Variants in STPG2 observed in about 807,000 individuals in gnomAD.
The protein encoded by STPG2 is sperm tail PG-rich repeat containing 2.
Under a neutral mutation model 54.2 loss-of-function variants are expected in STPG2, and 56 were observed. The ratio of observed to expected loss-of-function variants is 1.03; its 90% CI spans 0.83 to 1.29. STPG2 has a LOEUF of 1.29. Ranked by LOEUF, STPG2 falls within the 50% of genes most tolerant of loss-of-function variation. STPG2 has a pLI of 0.00. For missense variants in STPG2, 596 were observed against 544.9 expected, an observed-to-expected ratio of 1.09 and a Z score of -0.93; for synonymous variants, 200 against 181.8, an observed-to-expected ratio of 1.10 and a Z score of -0.81.
intron 4 of STPG2, among the ~76,000 whole-genome samples, chr4:97,519,844 G>T (rs1731146070): frequency 6.6e-6 from 1 of 152,018 alleles, no homozygotes; most frequent in Non-Finnish European, 1.5e-5. Context: ...GAAGAAAAAG[G>T]AGAAAGGACA....
At chr4:97,744,487 T>C (rs1290123799) in intron 9 of STPG2, among the ~76,000 whole-genome samples, 1 of 151,262 alleles carries the variant, frequency 6.6e-6, no homozygotes, top group Non-Finnish European at 1.5e-5. Flanking sequence ...AATTTTTTAT[T>C]TTTAATAATA....
intron 6 of STPG2, among the ~76,000 whole-genome samples, chr4:97,979,364 T>C (rs1268617788): frequency 6.6e-6 from 1 of 152,168 alleles, no homozygotes; most frequent in African/African-American, 2.4e-5. Flanking sequence ...AATGCTAACA[T>C]GTGCCCAGCT....
chr4:97,956,309 A>G (rs963046843), intron 7 of STPG2, among the ~76,000 whole-genome samples: 1 of 152,124 alleles, frequency 6.6e-6, no homozygotes, highest in Non-Finnish European at 1.5e-5. Flanking sequence ...AATATTGATG[A>G]AATGAAATAA....
At chr4:97,898,987 A>T (rs141869901) in intron 8 of STPG2, among the ~76,000 whole-genome samples, 2 of 151,680 alleles carry the variant, frequency 1.3e-5, no homozygotes, top group Non-Finnish European at 3.0e-5. Flanking sequence ...CAGGCAAGAG[A>T]AAAAAATAAA....
At chr4:97,763,877 C>T (rs1294246848) in intron 9 of STPG2, among the ~76,000 whole-genome samples, 1 of 152,004 alleles carries the variant, frequency 6.6e-6, no homozygotes, top group Non-Finnish European at 1.5e-5. Context: ...ATAATATCAG[C>T]CACATTTTTA....
chr4:97,650,708 G>A (rs1722041714), intron 10 of STPG2, among the ~76,000 whole-genome samples: 1 of 152,064 alleles, frequency 6.6e-6, no homozygotes, highest in Non-Finnish European at 1.5e-5. Flanking sequence ...TAAACTCTCA[G>A]TTAATCTCTT....
At chr4:97,789,656 C>A (rs1269609505) in intron 9 of STPG2, among the ~76,000 whole-genome samples, 1 of 152,068 alleles carries the variant, frequency 6.6e-6, no homozygotes, top group African/African-American at 2.4e-5. Flanking sequence ...TATATAAAAA[C>A]TAAAATTAAG....
At chr4:97,679,343 T>C (rs923392059) in intron 10 of STPG2, among the ~76,000 whole-genome samples, 46 of 152,130 alleles carry the variant, frequency 3.0e-4, no homozygotes, top group African/African-American at 8.9e-4. Context: ...TGGTATCTCA[T>C]TGTGGTTTTG....
At chr4:97,990,875 A>C (rs1270769737) in intron 5 of STPG2, among the ~76,000 whole-genome samples, 1 of 152,192 alleles carries the variant, frequency 6.6e-6, no homozygotes, top group Non-Finnish European at 1.5e-5. Flanking sequence ...ATACAGTTTA[A>C]ACTTTATTCC....
In STPG2 at chr4:98,126,055, A is replaced by G. The variant is rs181471502; in HGVS notation, c.387+2373T>C. Among the ~76,000 whole-genome samples the G allele has an allele frequency of 4.2e-3, 644 of 151,864 alleles. 3 individuals carry two copies. The highest frequency in any genetic ancestry group is 0.025 in the South Asian group (121 of 4,810). ...AACTGTAGCTGCAGAGATGGCAGCC[A>G]CCCCTCCCCTGGGGAACTCAGTCAT... On this transcript the variant is annotated intron_variant, in intron 3 of 10. Transcript: ENST00000295268.
chr4:98,106,424 G>A (rs916727217), intron 4 of STPG2, among the ~76,000 whole-genome samples: 1 of 151,866 alleles, frequency 6.6e-6, no homozygotes, highest in Non-Finnish European at 1.5e-5. Context: ...CAAAATAAGA[G>A]GAAAATAGCC....
chr4:97,545,303 G>A (rs914532573), intron 4 of STPG2, among the ~76,000 whole-genome samples: 1 of 152,106 alleles, frequency 6.6e-6, no homozygotes, highest in African/African-American at 2.4e-5. Context: ...AACTAGAGAA[G>A]CATTGGCTCA....
intron 7 of STPG2, among the ~76,000 whole-genome samples, chr4:97,967,396 C>T (rs1368293121): frequency 6.6e-6 from 1 of 151,922 alleles, no homozygotes; most frequent in African/African-American, 2.4e-5. Context: ...TAGACTCCTA[C>T]ACAATAATAA....
chr4:97,638,340 A>C (rs1578444982), intron 10 of STPG2, among the ~76,000 whole-genome samples: 7 of 152,242 alleles, frequency 4.6e-5, no homozygotes, highest in East Asian at 1.9e-4. Context: ...TACAAAAATC[A>C]ATTCAAGATG....
intron 4 of STPG2, among the ~76,000 whole-genome samples, chr4:97,454,067 C>T (rs1464931887): frequency 6.6e-6 from 1 of 151,902 alleles, no homozygotes; most frequent in African/African-American, 2.4e-5. Flanking sequence ...ATTTATAAAA[C>T]TGAGATAGTA....
chr4:97,913,777 C>T (rs1217967095), intron 8 of STPG2, among the ~76,000 whole-genome samples: 5 of 152,064 alleles, frequency 3.3e-5, no homozygotes, highest in African/African-American at 7.2e-5. Context: ...CATACATAAA[C>T]CCCAAAATGT....
chr4:97,614,196 T>C (rs891611607), intron 10 of STPG2, among the ~76,000 whole-genome samples: 1 of 152,086 alleles, frequency 6.6e-6, no homozygotes, highest in East Asian at 1.9e-4. Flanking sequence ...ATACCAGCCA[T>C]TTAGGCCATC....
chr4:97,987,418 T>C (rs1042798432), intron 5 of STPG2, among the ~76,000 whole-genome samples: 3 of 152,204 alleles, frequency 2.0e-5, no homozygotes, highest in Non-Finnish European at 4.4e-5. Context: ...TCAAATAGGC[T>C]TTAGGAAATA....
chr4:98,019,479 A>C (rs538663389), intron 5 of STPG2, among the ~76,000 whole-genome samples: 399 of 152,152 alleles, frequency 2.6e-3, no homozygotes, highest in African/African-American at 9.2e-3. Flanking sequence ...CTTTTGGCTT[A>C]GGATTGACTT....
Sources: allele counts gnomAD v4.1 joint callset (sites outside exome capture counted in the v4.1 genomes callset), GRCh38; gene constraint gnomAD v4.1.1; transcripts MANE v1.5; gene names NCBI Gene and HGNC (gene_info 2026-07-23, HGNC 2026-07-21).